The following ANO10 variants were observed in gnomAD, a reference collection of about 807,000 sequenced individuals.
ANO10 encodes the protein anoctamin-10.
In ANO10, 77 loss-of-function variants were observed where a neutral mutation model predicts 74.7. That is an observed-to-expected ratio of 1.03 (90% CI 0.86 to 1.25). The LOEUF is 1.25. Ranked by LOEUF, ANO10 falls within the 50% of genes most tolerant of loss-of-function variation. The pLI is 0.00. For missense variants in ANO10, 721 were observed against 778.1 expected, an observed-to-expected ratio of 0.93 and a Z score of 0.87; for synonymous variants, 279 against 284.9, an observed-to-expected ratio of 0.98 and a Z score of 0.21.
chr3:43,668,898 T>C (rs1222632122), intron 1 of ANO10, among the ~76,000 whole-genome samples: 1 of 152,228 alleles, frequency 6.6e-6, no homozygotes, highest in Non-Finnish European at 1.5e-5. Context: ...GCTATTTTAA[T>C]TGAGCATTAA....
chr3:43,611,219 T>G (rs1040039841), intron 1 of ANO10, among the ~76,000 whole-genome samples: 2 of 152,204 alleles, frequency 1.3e-5, no homozygotes, highest in Non-Finnish European at 1.5e-5. Context: ...CAATGTTTTA[T>G]TTCCCTTTCC....
At chr3:43,573,785 C>T (rs1460136239) in intron 7 of ANO10, among the ~76,000 whole-genome samples, 3 of 152,130 alleles carry the variant, frequency 2.0e-5, no homozygotes, top group Admixed American at 6.6e-5. Context: ...TGCTGGGAAC[C>T]TTTTGAACTT....
chr3:43,453,315 G>A (rs1240358475), intron 11 of ANO10, among the ~76,000 whole-genome samples: 1 of 151,614 alleles, frequency 6.6e-6, no homozygotes, highest in African/African-American at 2.4e-5. Flanking sequence ...AAGTAGCTGG[G>A]ACTACAGGCA....
At chr3:43,548,551 A>G (rs1268043847) in intron 11 of ANO10, among the ~76,000 whole-genome samples, 2 of 152,170 alleles carry the variant, frequency 1.3e-5, no homozygotes, top group Non-Finnish European at 2.9e-5. Flanking sequence ...AAGAGCCAAA[A>G]AGAGCAAAGC....
At chr3:43,600,231 G>A (rs2082276072) in intron 3 of ANO10, among the ~76,000 whole-genome samples, 153 bp downstream of exon 3, 1 of 152,222 alleles carries the variant, frequency 6.6e-6, no homozygotes, top group Non-Finnish European at 1.5e-5. Flanking sequence ...TGGCAGTGTT[G>A]AGTAATTGCA....
In ANO10 at chr3:43,688,953, A is replaced by C. The variant is rs188387183; in HGVS notation, c.-12+2564T>G. Among the ~76,000 whole-genome samples the C allele has an allele frequency of 1.3e-3, 204 of 152,222 alleles. 1 individual carries two copies. Among genetic ancestry groups the C allele is most frequent in the Admixed American group, 0.01 (160 of 15,288 alleles). The stretch of plus-strand genomic sequence containing the variant: ...GTGCTGGTATCAGCTTGGCTTCTGG[A>C]AAGGCCACAGGGAGCATTTACTCAC... On this transcript the variant is annotated intron_variant, in intron 1 of 3. Coordinates refer to the ANO10 transcript ENST00000413397.
At chr3:43,383,090 A>T (rs2092014095) in intron 12 of ANO10, among the ~76,000 whole-genome samples, 1 of 152,198 alleles carries the variant, frequency 6.6e-6, no homozygotes, top group Admixed American at 6.5e-5. Flanking sequence ...ACAGACCAAT[A>T]TCCCTGATGA....
At chr3:43,585,708 C>T (rs1559742472) in intron 4 of ANO10, among the ~76,000 whole-genome samples, 1 of 152,180 alleles carries the variant, frequency 6.6e-6, no homozygotes, top group Non-Finnish European at 1.5e-5. Context: ...CGTTAGCAAT[C>T]AGGACTGTGC....
In ANO10 at chr3:43,691,052, G is replaced by A. The variant is rs368902140; in HGVS notation, c.-12+465C>T. 24 of 1,546,500 alleles carry A rather than the reference G, an allele frequency of 1.6e-5. No homozygotes were observed. In the African/African-American group the frequency reaches 3.0e-4, roughly 19 times the overall value. On this transcript the variant is annotated intron_variant, in intron 1 of 3. Transcript: ENST00000413397. ...ACACCGGAGAGAGGTAAGCGCAGCCGGCAGGGGGCTTCGTGTGTCTCCGGC... is the reference window on the plus strand; with the variant it reads ...ACACCGGAGAGAGGTAAGCGCAGCCAGCAGGGGGCTTCGTGTGTCTCCGGC...
chr3:43,606,624 A>G (rs1285002103), intron 1 of ANO10, among the ~76,000 whole-genome samples: 1 of 152,066 alleles, frequency 6.6e-6, no homozygotes, highest in Non-Finnish European at 1.5e-5. Flanking sequence ...ATAGAAGCAG[A>G]CAACTGGACT....
intron 1 of ANO10, among the ~76,000 whole-genome samples, chr3:43,645,487 CAAAAA>C (rs780440860): frequency 1.5e-5 from 1 of 68,788 alleles, no homozygotes; most frequent in African/African-American, 5.5e-5. Context: ...GACTCCGTCT[CAAAAA>C]AAAAAAAAAA....
intron 1 of ANO10, among the ~76,000 whole-genome samples, chr3:43,655,687 G>C (rs1339042242): frequency 6.6e-6 from 1 of 152,050 alleles, no homozygotes; most frequent in East Asian, 1.9e-4. Context: ...GGACACAAAG[G>C]TTCTCCAAGG....
At chr3:43,611,143 A>T (rs78080496) in intron 1 of ANO10, among the ~76,000 whole-genome samples, 5,925 of 152,302 alleles carry the variant, frequency 0.039, 163 homozygotes, top group Non-Finnish European at 0.058. Context: ...TCGAGACAAT[A>T]GTATGTGAGC....
intron 4 of ANO10, among the ~76,000 whole-genome samples, chr3:43,593,861 G>C (rs1017167907): frequency 6.6e-6 from 1 of 152,140 alleles, no homozygotes; most frequent in African/African-American, 2.4e-5. Flanking sequence ...GTATTCAGGA[G>C]ACCCATCTCA....
intron 11 of ANO10, among the ~76,000 whole-genome samples, chr3:43,514,077 A>C (rs1433827890): frequency 1.3e-5 from 2 of 151,310 alleles, no homozygotes; most frequent in East Asian, 3.9e-4. Context: ...ACAAAATTAA[A>C]ATTGCAAGCA....
At chr3:43,410,391 C>T (rs2092646128) in intron 12 of ANO10, among the ~76,000 whole-genome samples, 1 of 152,150 alleles carries the variant, frequency 6.6e-6, no homozygotes, top group Admixed American at 6.5e-5. Context: ...GTAGCTGGGA[C>T]TATAGGTACG....
intron 1 of ANO10, among the ~76,000 whole-genome samples, chr3:43,659,858 C>T (rs1365662883): frequency 6.6e-6 from 1 of 152,116 alleles, no homozygotes; most frequent in African/African-American, 2.4e-5. Context: ...AACCAGATGC[C>T]CCTCTGGGAC....
upstream of ANO10, among the ~76,000 whole-genome samples, chr3:43,622,369 C>G (rs1026396831): frequency 2.0e-5 from 3 of 152,186 alleles, no homozygotes; most frequent in Admixed American, 6.5e-5. Context: ...GCTGTCACTC[C>G]GAGCCGGGGC....
intron 11 of ANO10, among the ~76,000 whole-genome samples, chr3:43,539,383 C>T (rs568914296): frequency 3.8e-4 from 58 of 152,218 alleles, no homozygotes; most frequent in African/African-American, 1.3e-3. Context: ...TTTTTATCTC[C>T]CCATTAAAAT....
Sources: allele counts gnomAD v4.1 joint callset (sites outside exome capture counted in the v4.1 genomes callset), GRCh38; gene constraint gnomAD v4.1.1; transcripts MANE v1.5; gene names NCBI Gene and HGNC (gene_info 2026-07-23, HGNC 2026-07-21).